SLC12A2: variants seen among roughly 807,000 people sequenced by gnomAD.
SLC12A2 encodes the protein solute carrier family 12 member 2.
A neutral mutation model predicts 136.3 loss-of-function variants in SLC12A2; 67 were observed. That is an observed-to-expected ratio of 0.49 (90% CI 0.40 to 0.60). The LOEUF is 0.60. Among genes scored for constraint, SLC12A2 ranks in the 20% least tolerant of loss-of-function variants. The pLI, the probability that SLC12A2 is intolerant of heterozygous loss-of-function variation, is 0.00. For synonymous variants in SLC12A2, 619 were observed against 562.9 expected (o/e 1.10, Z -1.41); for missense variants, 1,322 against 1,534.7 (o/e 0.86, Z 2.32).
chr5:128,134,353 A>C, intron 6 of SLC12A2, 78 bp downstream of exon 6: 1 of 771,968 alleles, frequency 1.3e-6, no homozygotes. Context: ...ACTCTGAAGT[A>C]TGGTAATATT....
intron 20 of SLC12A2, among the ~76,000 whole-genome samples, chr5:128,176,671 A>G (rs1012805530): frequency 6.6e-6 from 1 of 152,014 alleles, no homozygotes; most frequent in African/African-American, 2.4e-5. Context: ...AACAACAAAT[A>G]TCCATTAAAT....
Position 128,108,275 on chromosome 5 carries a change from A to T in SLC12A2, c.757-4539A>T, listed in dbSNP as rs540082318. 1.4e-4 allele frequency among the ~76,000 whole-genome samples: 22 copies of T among 152,326 alleles called. 2 individuals carry two copies. The South Asian group carries it at 4.3e-3, about 30-fold the overall frequency. ...ACCAGAAGTAGTCACTTCAAGAATTATATTATGGTCCAGCAATTCCACTCA... is the reference window on the plus strand; with the variant it reads ...ACCAGAAGTAGTCACTTCAAGAATTTTATTATGGTCCAGCAATTCCACTCA... On this transcript the variant is annotated intron_variant, in intron 1 of 26. Transcript: ENST00000262461.
At chr5:128,129,403 A>G (rs933928788) in intron 4 of SLC12A2, among the ~76,000 whole-genome samples, 2 of 152,064 alleles carry the variant, frequency 1.3e-5, no homozygotes, top group African/African-American at 4.8e-5. Context: ...TTAGTGTTCA[A>G]GAATATTTCG....
intron 23 of SLC12A2, 118 bp from the exon 24 acceptor site, chr5:128,182,737 T>C (rs915755523): frequency 6.5e-6 from 4 of 618,986 alleles, no homozygotes; most frequent in Admixed American, 3.0e-5. Flanking sequence ...TTCAAATGGA[T>C]ATTGTTTAGC....
At chr5:128,090,490 A>AT (rs1407880514) in intron 1 of SLC12A2, among the ~76,000 whole-genome samples, 2 of 152,352 alleles carry the variant, frequency 1.3e-5, no homozygotes, top group East Asian at 3.9e-4. Flanking sequence ...GAACCTAGTT[A>AT]TTCAACAAAT....
intron 9 of SLC12A2, among the ~76,000 whole-genome samples, chr5:128,140,547 C>T (rs911208013): frequency 2.0e-5 from 3 of 151,868 alleles, no homozygotes; most frequent in Non-Finnish European, 2.9e-5. Flanking sequence ...TTTATTTTAC[C>T]GTCTAACATT....
rs565684206 is a variant in SLC12A2 at position 128,164,553 on chromosome 5, C to T, written c.2616+2753C>T. Reference sequence around the variant, plus strand: ...TAACTGAAATTTTTAGTGTGAATTGCTGCTGAGAGTATTTCTCTTTCCTTT... The same window carrying T: ...TAACTGAAATTTTTAGTGTGAATTGTTGCTGAGAGTATTTCTCTTTCCTTT... On this transcript the variant is annotated intron_variant, in intron 17 of 26. Coordinates refer to ENST00000262461, the MANE Select transcript of SLC12A2 (RefSeq NM_001046.3). Among the ~76,000 whole-genome samples the T allele has an allele frequency of 2.0e-5, 3 of 152,270 alleles. No individual in the cohort carries two copies. In the South Asian group the frequency reaches 6.2e-4, roughly 32 times the overall value.
At chr5:128,112,610 T>C (rs537693697) in intron 1 of SLC12A2, among the ~76,000 whole-genome samples, 1 of 152,304 alleles carries the variant, frequency 6.6e-6, no homozygotes, top group Non-Finnish European at 1.5e-5. Context: ...AGACTTAAAT[T>C]TTAAGAAATT....
chr5:128,137,327 T>C (rs908397263), intron 7 of SLC12A2, among the ~76,000 whole-genome samples: 1 of 152,224 alleles, frequency 6.6e-6, no homozygotes, highest in Non-Finnish European at 1.5e-5. Flanking sequence ...TCTTCATATA[T>C]GTTGTTTCTC....
chr5:128,110,636 A>G, intron 1 of SLC12A2: 1 of 1,099,650 alleles, frequency 9.1e-7, no homozygotes, highest in Non-Finnish European at 1.4e-6. Flanking sequence ...CTAGTTAGTG[A>G]CAGTGTTGTG....
At chr5:128,152,484 T>C (rs897852184) in intron 14 of SLC12A2, among the ~76,000 whole-genome samples, 2 of 152,214 alleles carry the variant, frequency 1.3e-5, no homozygotes, top group Non-Finnish European at 2.9e-5. Flanking sequence ...AGCCCTGTCA[T>C]CTCAATCTTT....
chr5:128,130,699 A>G (rs1021825936), intron 4 of SLC12A2, among the ~76,000 whole-genome samples: 2 of 152,016 alleles, frequency 1.3e-5, no homozygotes, highest in African/African-American at 2.4e-5. Context: ...AAAAAAGCAT[A>G]AAAATAAAAG....
chr5:128,174,902 T>G (rs1405306823), intron 20 of SLC12A2, among the ~76,000 whole-genome samples: 1 of 152,104 alleles, frequency 6.6e-6, no homozygotes, highest in African/African-American at 2.4e-5. Context: ...CTAATATGGC[T>G]TCTGTGTTTT....
At chr5:128,145,937 T>G (rs1561685841) in intron 10 of SLC12A2, among the ~76,000 whole-genome samples, 1 of 152,046 alleles carries the variant, frequency 6.6e-6, no homozygotes, top group Non-Finnish European at 1.5e-5. Context: ...CACCATTCAC[T>G]GCTGGGAGAT....
intron 10 of SLC12A2, among the ~76,000 whole-genome samples, chr5:128,142,536 A>G (rs1762404880): frequency 6.6e-6 from 1 of 152,110 alleles, no homozygotes. Context: ...TGTAATATAT[A>G]TATATATATT....
intron 7 of SLC12A2, 73 bp downstream of exon 7, chr5:128,135,881 A>C (rs1379980422): frequency 5.9e-6 from 5 of 854,122 alleles, no homozygotes; most frequent in Admixed American, 2.3e-5. Flanking sequence ...AATTTTGTAC[A>C]TTTCAGATAT....
At chr5:128,106,019 C>T (rs1204254958) in intron 1 of SLC12A2, among the ~76,000 whole-genome samples, 1 of 152,148 alleles carries the variant, frequency 6.6e-6, no homozygotes, top group African/African-American at 2.4e-5. Context: ...CTGGATCTTC[C>T]ATTCTTTCCT....
Position 128,114,637 on chromosome 5 carries a change from G to A in SLC12A2, c.1004G>A (p.Gly335Glu). The A allele has an allele frequency of 6.2e-7, 1 of 1,612,870 alleles. No individual in the cohort carries two copies. The highest frequency in any genetic ancestry group is 1.1e-5 in the South Asian group (1 of 91,038). ...GCCACTGTTGTGACAACTATCACAG[G>A]ATTGTCTACTTCAGCAATAGCAACT... The part of the protein sequence containing the change: ...MMATVVTTIT[G>E]LSTSAIATNG... The change falls in exon 4 of 27, where the codon GGA becomes GAA. Residue 335 changes from glycine to glutamate, a missense_variant. Around this residue, in one of 8 missense-constraint regions of SLC12A2, gnomAD observed 71 missense variants for 131.0 expected, o/e 0.54. Coordinates refer to ENST00000262461, the MANE Select transcript of SLC12A2 (RefSeq NM_001046.3).
intron 4 of SLC12A2, 23 bp downstream of exon 4, chr5:128,114,704 A>G (rs1374186468): frequency 7.4e-7 from 1 of 1,356,398 alleles, no homozygotes. Flanking sequence ...TTTTTGAATC[A>G]TCATCATCAG....
Sources: gnomAD v4.1 joint callset for allele counts (sites outside exome capture counted in the v4.1 genomes callset) on GRCh38, gnomAD v4.1.1 for gene constraint, gnomAD v4.1.1 regional missense constraint, MANE v1.5 for transcripts, NCBI Gene and HGNC (gene_info 2026-07-23, HGNC 2026-07-21) for gene names.